SCFD1: variants seen among roughly 807,000 people sequenced by gnomAD.
SCFD1 encodes sec1 family domain-containing protein 1.
Under a neutral mutation model 103.2 loss-of-function variants are expected in SCFD1, and 37 were observed. The observed-to-expected ratio is 0.36, with a 90% CI of 0.28 to 0.47. The LOEUF is 0.47. Among genes scored for constraint, SCFD1 ranks in the 20% least tolerant of loss-of-function variants. The pLI, the probability that SCFD1 is intolerant of heterozygous loss-of-function variation, is 1.00. For synonymous variants in SCFD1, 264 were observed against 245.0 expected (o/e 1.08, Z -0.73); for missense variants, 639 against 761.2 (o/e 0.84, Z 1.89).
Position 30,694,337 on chromosome 14 carries a change from T to C in SCFD1, c.1243-436T>C, listed in dbSNP as rs1363818265. 2.6e-5 allele frequency among the ~76,000 whole-genome samples: 4 copies of C among 152,234 alleles called. 1 individual carries two copies. Among genetic ancestry groups the C allele is most frequent in the Admixed American group, 2.6e-4 (4 of 15,280 alleles). ...ACAAAATAATCTGTTGGTTTTTTTC[T>C]ATATTAAATATATATTCAAAAGTAA... On this transcript the variant is annotated intron_variant, in intron 14 of 24. Coordinates refer to ENST00000458591, the MANE Select transcript of SCFD1 (RefSeq NM_016106.4).
Position 30,673,949 on chromosome 14 carries a change from C to T in SCFD1, c.1112C>T (p.Ala371Val). 6.2e-7 allele frequency: 1 copy of T among 1,613,488 alleles called. No individual in the cohort carries two copies. The highest frequency in any genetic ancestry group is 1.1e-5 in the South Asian group (1 of 91,050). ...GGACTAGAAGGGGAAGATGAAGGAG[C>T]CATAAGTATGCTTTCTGACAATACC... The part of the protein sequence containing the change: ...IMGLEGEDEG[A>V]ISMLSDNTAK... Residue 371 changes from alanine (A) to valine (V), a missense_variant, in exon 13 of 25, where the codon GCC (alanine) becomes GTC (valine). Physicochemically the swap from Ala to Val is moderately conservative, Grantham distance 64 (BLOSUM62 0). Transcript: ENST00000458591.
At chr14:30,683,077 A>C in intron 14 of SCFD1, 3 of 1,372,290 alleles carry the variant, frequency 2.2e-6, no homozygotes, top group Non-Finnish European at 3.1e-6. Flanking sequence ...TGTTTTGAGT[A>C]GGTTTCTTGC....
chr14:30,661,594 AATTGTTT>A (rs1887455422), intron 10 of SCFD1, among the ~76,000 whole-genome samples: 2 of 152,218 alleles, frequency 1.3e-5, no homozygotes, highest in South Asian at 2.1e-4. Flanking sequence ...GAGGGTAGGA[AATTGTTT>A]ATTGGTTGTG....
At chr14:30,674,947 A>G (rs778250692) in intron 13 of SCFD1, 37 bp from the exon 14 acceptor site, 1 of 1,307,374 alleles carries the variant, frequency 7.6e-7, no homozygotes, top group Non-Finnish European at 1.1e-6. Context: ...ATTTTAGAAA[A>G]TTTATTGGTT....
chr14:30,673,221 T>C, intron 11 of SCFD1, 36 bp from the exon 12 acceptor site: 2 of 1,117,556 alleles, frequency 1.8e-6, no homozygotes, highest in Non-Finnish European at 2.6e-6. Flanking sequence ...GGTCTTTTAA[T>C]GTCATCCTCA....
chr14:30,625,711 G>GCATATAGTTATACC (rs1280686829), intron 1 of SCFD1, among the ~76,000 whole-genome samples: 2 of 107,628 alleles, frequency 1.9e-5, no homozygotes, highest in African/African-American at 1.3e-4. Context: ...AGGTATATAG[G>GCATATAGTTATACC]TATATAGGTA....
intron 17 of SCFD1, 118 bp from the exon 18 acceptor site, chr14:30,705,705 C>T: frequency 1.4e-6 from 1 of 702,636 alleles, no homozygotes; most frequent in South Asian, 1.7e-5. Flanking sequence ...GAAAAATTCT[C>T]TTTTCAGAAA....
chr14:30,734,572 G>A, intron 23 of SCFD1: 2 of 512,034 alleles, frequency 3.9e-6, no homozygotes, highest in South Asian at 4.5e-5. Flanking sequence ...GTATGCCATA[G>A]TATATATTTT....
intron 23 of SCFD1, among the ~76,000 whole-genome samples, chr14:30,727,866 A>G (rs1040427902): frequency 6.6e-6 from 1 of 152,198 alleles, no homozygotes; most frequent in Admixed American, 6.5e-5. Context: ...CTACAAGTTT[A>G]TAGGACTGTC....
Position 30,705,904 on chromosome 14 carries a change from T to C in SCFD1, c.1553+19T>C. On this transcript the variant is annotated intron_variant, in intron 18 of 24. Coordinates refer to ENST00000458591, the MANE Select transcript of SCFD1 (RefSeq NM_016106.4). ...CAATGGGGTAAGTATTTTTAATAAT[T>C]CTTTTGCATCTTTGTACTCAAAACC... 1.3e-6 allele frequency: 2 copies of C among 1,592,514 alleles called. No individual in the cohort carries two copies. Among genetic ancestry groups the C allele is most frequent in the Non-Finnish European group, 1.7e-6 (2 of 1,161,358 alleles).
At chr14:30,630,624 A>T in intron 3 of SCFD1, 59 bp downstream of exon 3, 1 of 1,031,386 alleles carries the variant, frequency 9.7e-7, no homozygotes, top group Admixed American at 1.8e-5. Flanking sequence ...ATAGAGAAAA[A>T]TAGTGTTAGG....
intron 14 of SCFD1, among the ~76,000 whole-genome samples, chr14:30,691,607 T>C (rs1890306040): frequency 6.6e-6 from 1 of 152,226 alleles, no homozygotes; most frequent in East Asian, 1.9e-4. Flanking sequence ...TTTGTTGAGA[T>C]GTAACTCACG....
chr14:30,680,071 G>A (rs1272311335), intron 14 of SCFD1, among the ~76,000 whole-genome samples: 1 of 152,090 alleles, frequency 6.6e-6, no homozygotes, highest in East Asian at 1.9e-4. Flanking sequence ...ACTCCTTACT[G>A]TGAATTTCTG....
intron 13 of SCFD1, among the ~76,000 whole-genome samples, chr14:30,674,345 C>T (rs1371147836): frequency 2.0e-5 from 3 of 151,988 alleles, no homozygotes; most frequent in Non-Finnish European, 4.4e-5. Context: ...CTTTGAATGC[C>T]ATTAAGGAGG....
intron 7 of SCFD1, among the ~76,000 whole-genome samples, chr14:30,647,920 G>C (rs910490007): frequency 2.0e-5 from 3 of 152,120 alleles, no homozygotes; most frequent in Non-Finnish European, 1.5e-5. Flanking sequence ...CAAAGTGCTG[G>C]GATTACAGGC....
At chr14:30,724,311 G>A (rs1397890276) in intron 23 of SCFD1, among the ~76,000 whole-genome samples, 3 of 137,250 alleles carry the variant, frequency 2.2e-5, no homozygotes, top group African/African-American at 8.3e-5. Flanking sequence ...GGAGTGCAGT[G>A]GTGCCATCTC....
chr14:30,705,968 T>C (rs1891441741), intron 18 of SCFD1, 83 bp downstream of exon 18: 1 of 1,079,182 alleles, frequency 9.3e-7, no homozygotes, highest in African/African-American at 1.6e-5. Context: ...CAATGTCTGA[T>C]ACTTTGAATG....
chr14:30,643,186 T>G (rs1885459627), intron 6 of SCFD1, 130 bp from the exon 7 acceptor site: 1 of 730,166 alleles, frequency 1.4e-6, no homozygotes, highest in Non-Finnish European at 2.4e-6. Context: ...AAAAAAAATT[T>G]AAACCAAAAA....
chr14:30,714,600 A>G (rs763138262), intron 19 of SCFD1, among the ~76,000 whole-genome samples: 10 of 152,330 alleles, frequency 6.6e-5, no homozygotes, highest in East Asian at 1.9e-4. Context: ...GTCCATTTTA[A>G]TAACAATAAA....
Sources: gnomAD v4.1 joint callset for allele counts (sites outside exome capture counted in the v4.1 genomes callset) on GRCh38, gnomAD v4.1.1 for gene constraint, MANE v1.5 for transcripts, NCBI Gene and HGNC (gene_info 2026-07-23, HGNC 2026-07-21) for gene names.